The following CREB3L2 variants were observed in gnomAD, a reference collection of about 807,000 sequenced individuals.
The protein encoded by CREB3L2 is cyclic AMP-responsive element-binding protein 3-like protein 2.
In CREB3L2, 23 loss-of-function variants were observed where a neutral mutation model predicts 57.2. That is an observed-to-expected ratio of 0.40 (90% CI 0.29 to 0.57). The LOEUF (loss-of-function observed/expected upper bound fraction) is 0.57. CREB3L2 is among the 20% of genes least tolerant of loss of function. CREB3L2 has a pLI of 0.42. For missense variants in CREB3L2, 628 were observed against 634.7 expected (o/e 0.99, Z 0.11); for synonymous variants, 268 against 265.1 (o/e 1.01, Z -0.11).
chr7:137,875,418 A>AT lies in CREB3L2; in HGVS notation c.*5057dup. On this transcript the variant is annotated 3_prime_UTR_variant, in exon 12 of 12. Transcript: ENST00000330387. ...CATGGGTACATGGTGCAAAAAGTTCATGTTCTCACTCAGCTGGTGAGCGAA... is the reference window on the plus strand; with the variant it reads ...CATGGGTACATGGTGCAAAAAGTTCATTGTTCTCACTCAGCTGGTGAGCGAA... 4.5e-6 allele frequency: 1 copy of AT among 221,236 alleles called. No homozygotes were observed. The highest frequency in any genetic ancestry group is 9.1e-6 in the Non-Finnish European group (1 of 110,480). The allele number at this position is 221,236 out of a possible 1,614,324, so 13.7% of individuals were successfully genotyped here.
intron 1 of CREB3L2, among the ~76,000 whole-genome samples, chr7:137,989,329 C>T (rs1271474268): frequency 1.3e-5 from 2 of 151,766 alleles, no homozygotes; most frequent in Non-Finnish European, 2.9e-5. Context: ...GGGGACTCGG[C>T]GGTCAGCTGA....
chr7:137,930,554 A>G (rs1800594361), intron 1 of CREB3L2, among the ~76,000 whole-genome samples: 1 of 152,216 alleles, frequency 6.6e-6, no homozygotes, highest in African/African-American at 2.4e-5. Context: ...GCTTCCTTTA[A>G]TAAAGAAGAA....
At chr7:137,987,548 T>C (rs951317246) in intron 1 of CREB3L2, among the ~76,000 whole-genome samples, 2 of 152,264 alleles carry the variant, frequency 1.3e-5, no homozygotes, top group African/African-American at 4.8e-5. Context: ...CCCCAGCTTA[T>C]GACTCCATAT....
intron 9 of CREB3L2, 35 bp downstream of exon 9, chr7:137,885,368 G>GGGC: frequency 3.2e-6 from 5 of 1,560,190 alleles, no homozygotes; most frequent in Non-Finnish European, 4.4e-6. Context: ...GCCAGGCCAG[G>GGGC]GGCGGTCACT....
intron 1 of CREB3L2, among the ~76,000 whole-genome samples, chr7:137,977,107 C>G (rs538490474): frequency 2.0e-5 from 3 of 152,312 alleles, no homozygotes; most frequent in African/African-American, 7.2e-5. Context: ...TAAACACGGC[C>G]CCTGCCCCTG....
chr7:137,876,342 G>T lies in CREB3L2; in HGVS notation c.*4134C>A, dbSNP rs755878361. The stretch of plus-strand genomic sequence containing the variant: ...GGGAGGAATGTGCACGTGTGTGTGT[G>T]TGTGTGTGTGTGTGTGTGTGTGTGT... On this transcript the variant is annotated 3_prime_UTR_variant, in exon 12 of 12. Coordinates refer to ENST00000330387, the MANE Select transcript of CREB3L2 (RefSeq NM_194071.4). 2.2e-5 allele frequency: 5 copies of T among 223,160 alleles called. No homozygotes were observed. Among genetic ancestry groups the T allele is most frequent in the Non-Finnish European group, 4.2e-5 (5 of 117,724 alleles). The allele number at this position is 223,160 out of a possible 1,614,324, so 13.8% of individuals were successfully genotyped here.
chr7:137,922,628 C>T (rs371529677), intron 2 of CREB3L2: 282 of 446,456 alleles, frequency 6.3e-4, no homozygotes, highest in East Asian at 4.1e-3. Flanking sequence ...TTGAACAACA[C>T]GGGTTTTGAA....
At chr7:137,926,176 TTCC>T (rs1269269032) in intron 2 of CREB3L2, among the ~76,000 whole-genome samples, 5 of 152,240 alleles carry the variant, frequency 3.3e-5, no homozygotes, top group Non-Finnish European at 7.3e-5. Context: ...AGTGTGGCGA[TTCC>T]TTAAGGATCT....
rs191085437 is a variant in CREB3L2 at position 137,995,749 on chromosome 7, A to T, written c.102+5855T>A. ...AGCACTGTAATTAATTCAATTATTAATCTAGATGCTATATCTTATAACTCC... is the reference window on the plus strand; with the variant it reads ...AGCACTGTAATTAATTCAATTATTATTCTAGATGCTATATCTTATAACTCC... On this transcript the variant is annotated intron_variant, in intron 1 of 11. Coordinates refer to ENST00000330387, the MANE Select transcript of CREB3L2 (RefSeq NM_194071.4). Among the ~76,000 whole-genome samples, 498 of 152,332 alleles carry T rather than the reference A, an allele frequency of 3.3e-3. 1 individual carries two copies. Among genetic ancestry groups the T allele is most frequent in the Admixed American group, 3.4e-3 (52 of 15,302 alleles).
chr7:137,882,468 A>T lies in CREB3L2; in HGVS notation c.1431T>A (p.Ile477=), dbSNP rs758879821. Residue 477 remains isoleucine (I), a synonymous_variant, in exon 11 of 12, where the codon ATT becomes ATA. Transcript: ENST00000330387. ...SRPDVDLPHF[I]ISNETSLEKS... is the part of the protein sequence containing the mutation. ...TCTCCAGGCTGGTCTCATTCGAGAT[A>T]ATGAAATGGGGAAGATCCACATCCG... 1.2e-5 allele frequency: 20 copies of T among 1,613,810 alleles called. No homozygotes were observed. The South Asian group carries it at 2.1e-4, about 17-fold the overall frequency.
Position 137,992,898 on chromosome 7 carries a change from C to T in CREB3L2, c.102+8706G>A, listed in dbSNP as rs541599563. Reference sequence around the variant, plus strand: ...GGAGAGGTTGAGCAGTAGGACCCAGCGGGCAGAGGATACAGGGTAGAGACT... The same window carrying T: ...GGAGAGGTTGAGCAGTAGGACCCAGTGGGCAGAGGATACAGGGTAGAGACT... On this transcript the variant is annotated intron_variant, in intron 1 of 11. Transcript: ENST00000330387. Among the ~76,000 whole-genome samples, 112 of 152,262 alleles carry T rather than the reference C, an allele frequency of 7.4e-4. 1 individual carries two copies. In the South Asian group the frequency reaches 0.022, roughly 30 times the overall value.
chr7:137,898,324 G>C (rs1799669256), intron 8 of CREB3L2, among the ~76,000 whole-genome samples: 1 of 152,188 alleles, frequency 6.6e-6, no homozygotes. Context: ...ATGTAAATTA[G>C]TAAAACCATT....
rs759213221 is a variant in CREB3L2 at position 137,903,961 on chromosome 7, T to C, written c.972A>G (p.Lys324=). The C allele has an allele frequency of 1.9e-6, 3 of 1,613,652 alleles. No individual in the cohort carries two copies. The highest frequency in any genetic ancestry group is 1.1e-5 in the South Asian group (1 of 91,070). ...CAACAGTTTGCCAGCAGGCTTACTT[T>C]TTCTCCAGGCTGTCCATGTATTCTT... The part of the protein sequence containing the change: ...KKKEYMDSLE[K]KVESCSTENL... The change falls in exon 7 of 12, where the codon AAA becomes AAG. Residue 324 remains lysine, a splice_region_variant and synonymous_variant. Transcript: ENST00000330387.
intron 1 of CREB3L2, among the ~76,000 whole-genome samples, chr7:137,982,474 G>A (rs149677683): frequency 1.3e-5 from 2 of 152,246 alleles, no homozygotes; most frequent in African/African-American, 4.8e-5. Flanking sequence ...CATGTGTCAT[G>A]GGAGGGACGC....
At chr7:137,934,031 G>A (rs1157894433) in intron 1 of CREB3L2, 2 of 152,212 alleles carry the variant, frequency 1.3e-5, no homozygotes, top group Non-Finnish European at 2.9e-5. Context: ...GAACCCAAGG[G>A]TTATGGGATT....
intron 1 of CREB3L2, among the ~76,000 whole-genome samples, chr7:137,939,043 C>T (rs2117255593): frequency 6.6e-6 from 1 of 152,282 alleles, no homozygotes; most frequent in Non-Finnish European, 1.5e-5. Context: ...GCTGCAAATA[C>T]CCCCAAAATG....
intron 4 of CREB3L2, among the ~76,000 whole-genome samples, chr7:137,908,898 C>T (rs1483315788): frequency 6.6e-6 from 1 of 152,092 alleles, no homozygotes; most frequent in Non-Finnish European, 1.5e-5. Context: ...ATCGCTTGAA[C>T]CCAGGAGGCA....
chr7:137,929,941 A>G (rs372865316), intron 1 of CREB3L2, among the ~76,000 whole-genome samples: 2 of 150,782 alleles, frequency 1.3e-5, no homozygotes, highest in East Asian at 2.0e-4. Flanking sequence ...TCTGTCGCCC[A>G]GGCTGGAGTG....
intron 1 of CREB3L2, among the ~76,000 whole-genome samples, chr7:137,963,437 A>C (rs1801358005): frequency 6.6e-6 from 1 of 152,196 alleles, no homozygotes; most frequent in Non-Finnish European, 1.5e-5. Flanking sequence ...TGACTTTGTT[A>C]GTCCTTAAAC....
Sources: gnomAD v4.1 joint callset for allele counts (sites outside exome capture counted in the v4.1 genomes callset) on GRCh38, gnomAD v4.1.1 for gene constraint, MANE v1.5 for transcripts, NCBI Gene and HGNC (gene_info 2026-07-23, HGNC 2026-07-21) for gene names.